SERINC5: variants seen among roughly 807,000 people sequenced by gnomAD.
SERINC5 encodes serine incorporator 5.
In SERINC5, 41 loss-of-function variants were observed where a neutral mutation model predicts 63.1. That is an observed-to-expected ratio of 0.65 (90% CI 0.51 to 0.84). The LOEUF (loss-of-function observed/expected upper bound fraction) is 0.84, where lower values mean the gene tolerates loss of function less well. Among genes scored for constraint, SERINC5 ranks in the 40% least tolerant of loss-of-function variants. The pLI, the probability that SERINC5 is intolerant of heterozygous loss-of-function variation, is 0.00. For missense variants in SERINC5, 523 were observed against 573.0 expected (o/e 0.91, Z 0.89); for synonymous variants, 222 against 215.2 (o/e 1.03, Z -0.28).
intron 2 of SERINC5, among the ~76,000 whole-genome samples, chr5:80,197,205 C>T (rs1580152044): frequency 6.6e-6 from 1 of 151,828 alleles, no homozygotes; most frequent in Non-Finnish European, 1.5e-5. Context: ...AAAAATTAGC[C>T]GGGCATGGTG....
At chr5:80,217,543 C>T (rs1750722929) in intron 1 of SERINC5, among the ~76,000 whole-genome samples, 1 of 152,220 alleles carries the variant, frequency 6.6e-6, no homozygotes, top group Non-Finnish European at 1.5e-5. Flanking sequence ...GCACCAGAAG[C>T]TTCAAGAGTT....
At chr5:80,213,696 C>G (rs1017139716) in intron 1 of SERINC5, among the ~76,000 whole-genome samples, 3 of 152,198 alleles carry the variant, frequency 2.0e-5, no homozygotes, top group African/African-American at 7.2e-5. Flanking sequence ...CATGCAAACT[C>G]TGGCCTCAGT....
At chr5:80,157,451 C>T (rs1483169855) in intron 8 of SERINC5, 1 of 152,136 alleles carries the variant, frequency 6.6e-6, no homozygotes, top group Admixed American at 6.5e-5. Context: ...CCTTAGACAC[C>T]TGGGTTCAAG....
rs185849394 is a variant in SERINC5 at position 80,147,774 on chromosome 5, C to A, written c.1054-490G>T. Among the ~76,000 whole-genome samples, 11 of 152,282 alleles carry A rather than the reference C, an allele frequency of 7.2e-5. No homozygotes were observed. In the East Asian group the frequency reaches 2.1e-3, roughly 29 times the overall value. On this transcript the variant is annotated intron_variant, in intron 9 of 11. Transcript: ENST00000507668. Reference sequence around the variant, plus strand: ...GCTTCTGGAGAACTCAATGTGAAACCCAATGAACGTGACAAGAGCCCCACT... The same window carrying A: ...GCTTCTGGAGAACTCAATGTGAAACACAATGAACGTGACAAGAGCCCCACT...
intron 2 of SERINC5, among the ~76,000 whole-genome samples, chr5:80,198,374 G>T (rs1280865399): frequency 6.6e-6 from 1 of 152,132 alleles, no homozygotes; most frequent in Non-Finnish European, 1.5e-5. Context: ...GCAGGACAAA[G>T]TCTGGCCCAG....
chr5:80,185,532 C>CA (rs944997078), intron 2 of SERINC5, among the ~76,000 whole-genome samples: 21 of 352 alleles, frequency 0.06, no homozygotes. Flanking sequence ...AAGGGACCAC[C>CA]AAACAGGCTT....
Position 80,140,333 on chromosome 5 carries a change from G to A in SERINC5, c.*3330C>T, listed in dbSNP as rs865871497. The A allele has an allele frequency of 6.5e-5, 54 of 832,390 alleles. No homozygotes were observed. In the South Asian group the frequency reaches 1.9e-3, roughly 30 times the overall value. The allele number at this position is 832,390 out of a possible 1,614,324, so 51.6% of individuals were successfully genotyped here. On this transcript the variant is annotated 3_prime_UTR_variant, in exon 12 of 12. Transcript: ENST00000507668. ...AAAAAAAAAAAAAAAAAAAAAAAAA[G>A]GCTTAGGGTGACAATTTTGACATGG...
downstream of SERINC5, among the ~76,000 whole-genome samples, chr5:80,133,838 AG>A (rs1260181611): frequency 6.6e-6 from 1 of 152,190 alleles, no homozygotes; most frequent in African/African-American, 2.4e-5. Context: ...TTTGGTGGGC[AG>A]GGGGTCAGAA....
chr5:80,202,996 T>A lies in SERINC5; in HGVS notation c.85A>T (p.Ile29Phe), dbSNP rs1164431400. 2 of 1,613,146 alleles carry A rather than the reference T, an allele frequency of 1.2e-6. No homozygotes were observed. The highest frequency in any genetic ancestry group is 2.2e-5 in the East Asian group (1 of 44,876). Reference protein sequence around the residue: ...CSLCCDCCPRIRQSLSTRFMY... With the variant: ...CSLCCDCCPRFRQSLSTRFMY... ...AAGCGGGTGCTGAGGGACTGCCGAA[T>A]CCTGGGGCAGCAATCACAGCAGAGA... The change falls in exon 2 of 12, where the codon ATT (isoleucine) becomes TTT (phenylalanine). Residue 29 changes from isoleucine to phenylalanine, a missense_variant. Coordinates refer to ENST00000507668, the MANE Select transcript of SERINC5 (RefSeq NM_001174072.3).
At chr5:80,209,222 GA>G (rs1236517947) in intron 1 of SERINC5, among the ~76,000 whole-genome samples, 1 of 152,180 alleles carries the variant, frequency 6.6e-6, no homozygotes, top group Admixed American at 6.5e-5. Flanking sequence ...AGTGAGCCGA[GA>G]TCGCGCCACT....
intron 2 of SERINC5, among the ~76,000 whole-genome samples, chr5:80,190,129 T>TTG (rs1749092764): frequency 1.2e-5 from 1 of 86,372 alleles, no homozygotes; most frequent in African/African-American, 4.5e-5. Flanking sequence ...TTTTTTTTTT[T>TTG]GAGACAGGGT....
rs931093136 is a variant in SERINC5 at position 80,140,520 on chromosome 5, T to C, written c.*3143A>G. On this transcript the variant is annotated 3_prime_UTR_variant, in exon 12 of 12. Coordinates refer to ENST00000507668, the MANE Select transcript of SERINC5 (RefSeq NM_001174072.3). ...ATCTCCCCTTCAAAGAGGCTCCAAA[T>C]ACCTCTGGCAAATAATTTCTTTTTC... 9.0e-6 allele frequency: 8 copies of C among 886,498 alleles called. No homozygotes were observed. In the Admixed American group the frequency reaches 2.5e-4, roughly 28 times the overall value. The allele number at this position is 886,498 out of a possible 1,614,324, so 54.9% of individuals were successfully genotyped here.
chr5:80,140,364 G>A lies in SERINC5; in HGVS notation c.*3299C>T, dbSNP rs1745437723. On this transcript the variant is annotated 3_prime_UTR_variant, in exon 12 of 12. Coordinates refer to ENST00000507668, the MANE Select transcript of SERINC5 (RefSeq NM_001174072.3). ...GGGTGACAATTTTGACATGGGGACAGGAAATTAACATTACACTGAGGTTAT... is the reference window on the plus strand; with the variant it reads ...GGGTGACAATTTTGACATGGGGACAAGAAATTAACATTACACTGAGGTTAT... 1 of 947,452 alleles carries A rather than the reference G, an allele frequency of 1.1e-6. No homozygotes were observed. The highest frequency in any genetic ancestry group is 4.9e-5 in the South Asian group (1 of 20,364). 58.7% of individuals were successfully genotyped at this position (947,452 alleles called of 1,614,324 possible).
At chr5:80,159,076 G>T in intron 7 of SERINC5, 114 bp from the exon 8 acceptor site, 1 of 999,652 alleles carries the variant, frequency 1.0e-6, no homozygotes, top group South Asian at 1.5e-5. Flanking sequence ...TTAGAACAGT[G>T]AACACTTATC....
At chr5:80,251,294 A>G (rs775943426) in intron 1 of SERINC5, among the ~76,000 whole-genome samples, 7 of 50,044 alleles carry the variant, frequency 1.4e-4, no homozygotes, top group South Asian at 6.8e-4. Context: ...ATACATGCAT[A>G]CATACATACA....
At chr5:80,163,685 T>A (rs1211938431) in intron 7 of SERINC5, among the ~76,000 whole-genome samples, 2 of 152,206 alleles carry the variant, frequency 1.3e-5, no homozygotes, top group East Asian at 3.8e-4. Flanking sequence ...TTAATTTGCA[T>A]ATGTTGAACC....
intron 7 of SERINC5, among the ~76,000 whole-genome samples, chr5:80,164,506 A>C (rs1303052390): frequency 1.3e-5 from 2 of 151,956 alleles, no homozygotes; most frequent in African/African-American, 4.8e-5. Flanking sequence ...CTCAGCCTCC[A>C]GAGTAGCTGG....
At chr5:80,246,278 C>T (rs1327835156) in intron 1 of SERINC5, among the ~76,000 whole-genome samples, 1 of 151,980 alleles carries the variant, frequency 6.6e-6, no homozygotes, top group African/African-American at 2.4e-5. Context: ...AATGTGAGTG[C>T]AAAAACAAAA....
At chr5:80,194,768 A>T (rs748613532) in intron 2 of SERINC5, among the ~76,000 whole-genome samples, 2 of 152,138 alleles carry the variant, frequency 1.3e-5, no homozygotes, top group Non-Finnish European at 2.9e-5. Flanking sequence ...ATGCTTGATA[A>T]AAGGCATTTA....
Sources: allele counts gnomAD v4.1 joint callset (sites outside exome capture counted in the v4.1 genomes callset), GRCh38; gene constraint gnomAD v4.1.1; transcripts MANE v1.5; gene names NCBI Gene and HGNC (gene_info 2026-07-23, HGNC 2026-07-21).